SIK2: variants seen among roughly 807,000 people sequenced by gnomAD.
SIK2 encodes salt inducible kinase 2, also known as serine/threonine-protein kinase SIK2.
In SIK2, 29 loss-of-function variants were observed where a neutral mutation model predicts 103.2. The observed-to-expected ratio is 0.28, with a 90% CI of 0.21 to 0.38. SIK2 has a LOEUF of 0.38. Ranked by LOEUF, SIK2 falls within the 10% of genes least tolerant of loss-of-function variation. SIK2 has a pLI of 1.00. For missense variants in SIK2, 879 were observed against 1,171.0 expected (o/e 0.75, Z 3.64); for synonymous variants, 412 against 446.1 (o/e 0.92, Z 0.96).
intron 3 of SIK2, among the ~76,000 whole-genome samples, chr11:111,660,778 G>A (rs903581538): frequency 6.8e-6 from 1 of 146,720 alleles, no homozygotes; most frequent in Non-Finnish European, 1.5e-5. Flanking sequence ...TATAGTACCA[G>A]TAAAGACATA....
chr11:111,659,999 T>C (rs570920325), intron 3 of SIK2, among the ~76,000 whole-genome samples: 1 of 152,336 alleles, frequency 6.6e-6, no homozygotes, highest in South Asian at 2.1e-4. Flanking sequence ...GAAAACCGAA[T>C]GGCCATTTCT....
intron 3 of SIK2, among the ~76,000 whole-genome samples, chr11:111,665,345 T>C (rs948208137): frequency 2.6e-5 from 4 of 151,638 alleles, no homozygotes; most frequent in Non-Finnish European, 5.9e-5. Flanking sequence ...CAGTCCCAGC[T>C]ACTGGGGTAG....
intron 3 of SIK2, among the ~76,000 whole-genome samples, chr11:111,630,191 CAT>C (rs1463954713): frequency 1.3e-5 from 2 of 152,064 alleles, no homozygotes; most frequent in Non-Finnish European, 2.9e-5. Context: ...ATCTTACAGA[CAT>C]GTGCTAAGTA....
At chr11:111,662,642 C>T (rs965713483) in intron 3 of SIK2, among the ~76,000 whole-genome samples, 21 of 151,266 alleles carry the variant, frequency 1.4e-4, no homozygotes, top group Admixed American at 4.6e-4. Flanking sequence ...TTTGGGAGGC[C>T]GAAGCAGGCA....
intron 1 of SIK2, among the ~76,000 whole-genome samples, chr11:111,612,249 T>A (rs1335970840): frequency 1.3e-5 from 2 of 152,210 alleles, no homozygotes; most frequent in East Asian, 3.8e-4. Context: ...TTTCAACTCA[T>A]GAGTGTACTG....
chr11:111,666,412 GCTTATATTTGTAA>G (rs1942542962), intron 3 of SIK2, among the ~76,000 whole-genome samples: 1 of 152,082 alleles, frequency 6.6e-6, no homozygotes, highest in Admixed American at 6.6e-5. Context: ...TCTGGTAAGT[GCTTATATTTGTAA>G]CAGAAAGATT....
At chr11:111,686,737 T>C (rs527245429) in intron 3 of SIK2, among the ~76,000 whole-genome samples, 1 of 152,350 alleles carries the variant, frequency 6.6e-6, no homozygotes, top group South Asian at 2.1e-4. Flanking sequence ...ATAGAATTAA[T>C]TTTTAGGTAA....
At chr11:111,685,802 A>C (rs1196768347) in intron 3 of SIK2, among the ~76,000 whole-genome samples, 1 of 152,212 alleles carries the variant, frequency 6.6e-6, no homozygotes, top group African/African-American at 2.4e-5. Context: ...GTGAGCTATA[A>C]TTGCACACTG....
intron 3 of SIK2, among the ~76,000 whole-genome samples, chr11:111,635,156 T>A (rs12791699): frequency 6.6e-6 from 1 of 151,720 alleles, no homozygotes; most frequent in Non-Finnish European, 1.5e-5. Context: ...CTCCCTCCCA[T>A]CTTTGTTTAA....
chr11:111,700,423 G>T (rs1434202950), intron 4 of SIK2, among the ~76,000 whole-genome samples: 1 of 152,160 alleles, frequency 6.6e-6, no homozygotes, highest in Non-Finnish European at 1.5e-5. Context: ...TGCCTTCAAG[G>T]GTTATATATC....
At chr11:111,650,478 G>T (rs902595719) in intron 3 of SIK2, among the ~76,000 whole-genome samples, 1 of 151,984 alleles carries the variant, frequency 6.6e-6, no homozygotes, top group Admixed American at 6.6e-5. Context: ...AATATTTATT[G>T]TGCACTCAAT....
intron 3 of SIK2, among the ~76,000 whole-genome samples, chr11:111,621,317 T>C (rs910895190): frequency 2.6e-5 from 4 of 152,248 alleles, no homozygotes; most frequent in Non-Finnish European, 5.9e-5. Flanking sequence ...AATGGAATTA[T>C]ACAGGATATA....
chr11:111,706,917 G>A lies in SIK2; in HGVS notation c.1101+1778G>A, dbSNP rs527749535. Among the ~76,000 whole-genome samples the A allele has an allele frequency of 8.0e-4, 113 of 141,718 alleles. 1 individual carries two copies. Among genetic ancestry groups the A allele is most frequent in the Non-Finnish European group, 1.3e-3 (86 of 66,796 alleles). The allele number at this position is 141,718 out of a possible 152,430, so 93.0% of individuals were successfully genotyped here. The stretch of plus-strand genomic sequence containing the variant: ...AGAGGTTGAAGTGAGCCGAGATCCC[G>A]CCACTGCACTCCAGCCTGGGTGACA... On this transcript the variant is annotated intron_variant, in intron 8 of 14. Coordinates refer to ENST00000304987, the MANE Select transcript of SIK2 (RefSeq NM_015191.3).
chr11:111,603,891 T>C (rs1941615893), intron 1 of SIK2, among the ~76,000 whole-genome samples: 1 of 152,232 alleles, frequency 6.6e-6, no homozygotes, highest in South Asian at 2.1e-4. Flanking sequence ...ATGACTTATG[T>C]AAGGCGAAGG....
chr11:111,673,403 T>C (rs1942654568), intron 3 of SIK2, among the ~76,000 whole-genome samples: 1 of 152,212 alleles, frequency 6.6e-6, no homozygotes, highest in East Asian at 1.9e-4. Flanking sequence ...AAATGTCAGG[T>C]CTTGTTTTCT....
intron 10 of SIK2, 78 bp downstream of exon 10, chr11:111,720,081 G>A: frequency 7.2e-7 from 1 of 1,392,754 alleles, no homozygotes; most frequent in Non-Finnish European, 9.9e-7. Context: ...TGGTCACGAT[G>A]CCAGCCAACA....
At position 111,612,278 on chromosome 11, in the gene SIK2, C is replaced by T. The variant is rs79017210; in HGVS notation, c.136-3965C>T. ...TGTACTGCTTGTTTCATTTACTTCA[C>T]AGAATTGGGAAATAAATGAGATAAA... is the stretch of plus-strand genomic sequence containing the variant. On this transcript the variant is annotated intron_variant, in intron 1 of 14. Coordinates refer to ENST00000304987, the MANE Select transcript of SIK2 (RefSeq NM_015191.3). Among the ~76,000 whole-genome samples the T allele has an allele frequency of 4.1e-3, 628 of 152,186 alleles. 2 individuals are homozygous for T. The highest frequency in any genetic ancestry group is 9.3e-3 in the Admixed American group (142 of 15,290).
Position 111,701,645 on chromosome 11 carries a change from AG to A in SIK2, c.727+71del. The A allele has an allele frequency of 6.5e-7, 1 of 1,543,690 alleles. No homozygotes were observed. Among genetic ancestry groups the A allele is most frequent in the South Asian group, 1.3e-5 (1 of 79,802 alleles). ...GCTCCAAGTGAAATGCCTAGGTAAA[AG>A]CTTCTTTTTTTCTAAGAGTTTGGGT... On this transcript the variant is annotated intron_variant, in intron 6 of 14. Coordinates refer to ENST00000304987, the MANE Select transcript of SIK2 (RefSeq NM_015191.3). This position sits in a 1 kb window ranked among gnomAD's most constrained non-coding sequence, Gnocchi z 4.2.
At chr11:111,694,669 TAGCATTACGTAAAAAGTAAAAAG>T (rs1455741329) in intron 4 of SIK2, among the ~76,000 whole-genome samples, 1 of 152,226 alleles carries the variant, frequency 6.6e-6, no homozygotes, top group East Asian at 1.9e-4. Flanking sequence ...CTTCTGCCAC[TAGCATTACGTAAAAAGTAAAAAG>T]AGCTTTACAT....
Sources: allele counts gnomAD v4.1 joint callset (sites outside exome capture counted in the v4.1 genomes callset), GRCh38; gene constraint gnomAD v4.1.1; non-coding constraint Gnocchi (gnomAD v3.1); transcripts MANE v1.5; gene names NCBI Gene and HGNC (gene_info 2026-07-23, HGNC 2026-07-21).